MLC1: variants seen among roughly 807,000 people sequenced by gnomAD.
MLC1 encodes modulator of VRAC current 1.
Under a neutral mutation model 44.7 loss-of-function variants are expected in MLC1, and 32 were observed. That is an observed-to-expected ratio of 0.72 (90% CI 0.54 to 0.96). MLC1 has a LOEUF of 0.96. MLC1 is among the 40% of genes least tolerant of loss of function. MLC1 has a pLI of 0.00. For missense variants in MLC1, 459 were observed against 492.2 expected (o/e 0.93, Z 0.64); for synonymous variants, 190 against 213.0 (o/e 0.89, Z 0.94).
chr22:50,081,057 G>GAAAGAAAGAAAGAAAGAAAGAAAGAA (rs1306674913), intron 3 of MLC1, among the ~76,000 whole-genome samples: 2 of 151,320 alleles, frequency 1.3e-5, no homozygotes, highest in East Asian at 1.9e-4. Context: ...AAGAAAGAAA[G>GAAAGAAAGAAAGAAAGAAAGAAAGAA]AGGAGGTCTG....
At chr22:50,070,009 C>T (rs2061810252) in intron 9 of MLC1, among the ~76,000 whole-genome samples, 1 of 152,106 alleles carries the variant, frequency 6.6e-6, no homozygotes, top group Admixed American at 6.6e-5. Flanking sequence ...CGAGACCAGC[C>T]TGGCCAACAT....
Position 50,066,659 on chromosome 22 carries a change from TA to T in MLC1, c.894+1773del, listed in dbSNP as rs201958391. 4.1e-3 allele frequency among the ~76,000 whole-genome samples: 592 copies of T among 142,968 alleles called. 2 individuals are homozygous for T. Among genetic ancestry groups the T allele is most frequent in the East Asian group, 0.012 (59 of 4,960 alleles). 93.8% of individuals were successfully genotyped at this position (142,968 alleles called of 152,430 possible). On this transcript the variant is annotated intron_variant, in intron 10 of 11. Transcript: ENST00000311597. The stretch of plus-strand genomic sequence containing the variant: ...TGGGAGACAGAGTGAGACTCTATCT[TA>T]AAAAAAAAAAAATGGCAAGGTACAG...
In MLC1 at chr22:50,059,720, ACAG is replaced by A. The variant is rs1159189967; in HGVS notation, c.*1860_*1862del. The A allele has an allele frequency of 6.6e-6, 1 of 152,336 alleles. No homozygotes were observed. The highest frequency in any genetic ancestry group is 1.5e-5 in the Non-Finnish European group (1 of 68,080). 9.4% of individuals were successfully genotyped at this position (152,336 alleles called of 1,614,324 possible). A position where few individuals can be genotyped will look rare whatever the true frequency, so the allele number is the denominator to read the frequency against. The stretch of plus-strand genomic sequence containing the variant: ...GTGGGGTCTGCATCCGGTACCAGTG[ACAG>A]CAGCCTCTCCTCTCCCACGGTGGCG... On this transcript the variant is annotated 3_prime_UTR_variant, in exon 12 of 12. Transcript: ENST00000311597.
rs1453337936 is a variant in MLC1, at chr22:50,059,915, G to C, written c.*1668C>G. 1 of 152,332 alleles carries C rather than the reference G, an allele frequency of 6.6e-6. No homozygotes were observed. Among genetic ancestry groups the C allele is most frequent in the Admixed American group, 6.5e-5 (1 of 15,284 alleles). The allele number at this position is 152,332 out of a possible 1,614,324, so 9.4% of individuals were successfully genotyped here. A position where few individuals can be genotyped will look rare whatever the true frequency, so the allele number is the denominator to read the frequency against. ...TGAAAATAATGATTCCACTTGTCAT[G>C]AACACCATGAAGGTATCTTGGCAGC... On this transcript the variant is annotated 3_prime_UTR_variant, in exon 12 of 12. Transcript: ENST00000311597.
At chr22:50,064,253 G>C (rs1221184354) in intron 10 of MLC1, 55 bp from the exon 11 acceptor site, 1 of 1,546,708 alleles carries the variant, frequency 6.5e-7, no homozygotes, top group Non-Finnish European at 8.7e-7. Flanking sequence ...CAGCCCAGGA[G>C]ACCAAAGCTC....
At chr22:50,074,449 C>A (rs931348694) in intron 7 of MLC1, 117 bp from the exon 8 acceptor site, 3 of 942,758 alleles carry the variant, frequency 3.2e-6, no homozygotes, top group African/African-American at 3.2e-5. Flanking sequence ...GGCCCCAGAT[C>A]TAACCGTGGA....
At chr22:50,082,325 C>G (rs1335930140) in intron 3 of MLC1, among the ~76,000 whole-genome samples, 1 of 152,220 alleles carries the variant, frequency 6.6e-6, no homozygotes, top group African/African-American at 2.4e-5. Context: ...GCTGCCGGGA[C>G]GCTGGGGAGG....
rs528070527 is a variant in MLC1, at chr22:50,064,330, C to T, written c.895-132G>A. ...CGAGTCGGAGCCCCAGTAACCCAAACGCATTGCTATTTCAACAACCTGATG... is the reference window on the plus strand; with the variant it reads ...CGAGTCGGAGCCCCAGTAACCCAAATGCATTGCTATTTCAACAACCTGATG... On this transcript the variant is annotated intron_variant, in intron 10 of 11. Transcript: ENST00000311597. 95 of 1,042,526 alleles carry T rather than the reference C, an allele frequency of 9.1e-5. 1 individual carries two copies. The highest frequency in any genetic ancestry group is 2.8e-4 in the Admixed American group (14 of 49,354). 64.6% of individuals were successfully genotyped at this position (1,042,526 alleles called of 1,614,324 possible). A position where few individuals can be genotyped will look rare whatever the true frequency, so the allele number is the denominator to read the frequency against.
At position 50,064,183 on chromosome 22, in the gene MLC1, G is replaced by T; in HGVS notation, c.910C>A (p.Leu304Met). Reference sequence around the variant, plus strand: ...AGCACTAGCAGCAGCAGCAGCAGCAGCACATCGTAGGATGGCTGCAGGCGG... The same window carrying T: ...AGCACTAGCAGCAGCAGCAGCAGCATCACATCGTAGGATGGCTGCAGGCGG... ...PPAIKPSYDV[L>M]LLLLLLVLLL... The change falls in exon 11 of 12, where the codon CTG (leucine) becomes ATG (methionine). Residue 304 changes from leucine to methionine, a missense_variant. Transcript: ENST00000311597. 6.3e-7 allele frequency: 1 copy of T among 1,599,694 alleles called. No homozygotes were observed. The highest frequency in any genetic ancestry group is 1.1e-5 in the South Asian group (1 of 90,320).
intron 11 of MLC1, 122 bp from the exon 12 acceptor site, chr22:50,061,779 G>A: frequency 3.4e-6 from 3 of 884,688 alleles, no homozygotes; most frequent in African/African-American, 1.7e-5. Flanking sequence ...CGAATGTGAA[G>A]GAAGTGGGGA....
intron 11 of MLC1, among the ~76,000 whole-genome samples, chr22:50,062,905 A>T (rs1478002343): frequency 2.6e-5 from 4 of 152,212 alleles, no homozygotes. Context: ...GCAGCAAGAC[A>T]GTAGGCAGGG....
intron 10 of MLC1, among the ~76,000 whole-genome samples, chr22:50,064,770 G>C (rs555315389): frequency 6.6e-6 from 1 of 152,274 alleles, no homozygotes; most frequent in East Asian, 1.9e-4. Context: ...TGACCACGGA[G>C]CACCCAAAAC....
chr22:50,074,169 G>A, intron 8 of MLC1, 47 bp downstream of exon 8: 1 of 1,484,408 alleles, frequency 6.7e-7, no homozygotes, highest in Non-Finnish European at 9.3e-7. Flanking sequence ...CAGGATCTGA[G>A]CAGTGTGGCC....
intron 2 of MLC1, among the ~76,000 whole-genome samples, chr22:50,084,449 G>T (rs2062230075): frequency 6.6e-6 from 1 of 152,224 alleles, no homozygotes; most frequent in Non-Finnish European, 1.5e-5. Context: ...GAGACTCCTG[G>T]GGCCCATTCA....
Position 50,080,383 on chromosome 22 carries a change from T to A in MLC1, c.282A>T (p.Ala94=). 6.2e-7 allele frequency: 1 copy of A among 1,606,192 alleles called. No homozygotes were observed. Among genetic ancestry groups the A allele is most frequent in the Non-Finnish European group, 8.5e-7 (1 of 1,176,372 alleles). The change falls in exon 4 of 12, where the codon GCA becomes GCT. Residue 94 remains alanine (A), a synonymous_variant. Coordinates refer to ENST00000311597, the MANE Select transcript of MLC1 (RefSeq NM_015166.4). ...TCCTGGAGACGGTGAAGCTCACAAT[T>A]GCCGAGGGGATGCACTGGAATGAAA... is the stretch of plus-strand genomic sequence containing the variant. ...RCAAGSCIPS[A]IVSFTVSRRN... is the part of the protein sequence containing the mutation.
intron 5 of MLC1, 42 bp downstream of exon 5, chr22:50,079,876 C>T (rs1165537618): frequency 2.0e-5 from 27 of 1,359,140 alleles, no homozygotes; most frequent in Non-Finnish European, 2.7e-5. Flanking sequence ...GGGAGTGGGG[C>T]TGTGGGTGTC....
rs951144016 is a variant in MLC1, at chr22:50,061,291, A to G, written c.*292T>C. 4 of 486,618 alleles carry G rather than the reference A, an allele frequency of 8.2e-6. No individual in the cohort carries two copies. Among genetic ancestry groups the G allele is most frequent in the Non-Finnish European group, 1.5e-5 (4 of 265,490 alleles). The allele number at this position is 486,618 out of a possible 1,614,324, so 30.1% of individuals were successfully genotyped here. ...GGCCAGTTCAGGGGTGGGGCTCTCA[A>G]GAGGCCGAGCCGGGGGCCCTTCCTC... is the stretch of plus-strand genomic sequence containing the variant. On this transcript the variant is annotated 3_prime_UTR_variant, in exon 12 of 12. Transcript: ENST00000311597.
intron 10 of MLC1, among the ~76,000 whole-genome samples, chr22:50,066,157 G>A (rs1040725691): frequency 6.6e-6 from 1 of 151,996 alleles, no homozygotes; most frequent in Non-Finnish European, 1.5e-5. Flanking sequence ...AGGCGACAGA[G>A]TGAGACCCTG....
intron 8 of MLC1, among the ~76,000 whole-genome samples, chr22:50,073,390 G>A (rs73183393): frequency 0.038 from 5,810 of 152,336 alleles, 203 homozygotes; most frequent in South Asian, 0.18. Context: ...GGTGGGTGGT[G>A]GCTCTGGGTG....
Sources: allele counts gnomAD v4.1 joint callset (sites outside exome capture counted in the v4.1 genomes callset), GRCh38; gene constraint gnomAD v4.1.1; transcripts MANE v1.5; gene names NCBI Gene and HGNC (gene_info 2026-07-23, HGNC 2026-07-21).